The following CSMD3 variants were observed in gnomAD, a reference collection of about 807,000 sequenced individuals.
The protein encoded by CSMD3 is CUB and Sushi multiple domains 3, also known as CUB and sushi domain-containing protein 3.
A neutral mutation model predicts 435.2 loss-of-function variants in CSMD3; 177 were observed. The observed-to-expected ratio is 0.41, with a 90% CI of 0.36 to 0.46. The LOEUF (loss-of-function observed/expected upper bound fraction) is 0.46, where lower values mean the gene tolerates loss of function less well. CSMD3 is among the 20% of genes least tolerant of loss of function. The pLI is 0.34. For missense variants in CSMD3, 4,265 were observed against 4,504.6 expected (o/e 0.95, Z 1.52); for synonymous variants, 1,656 against 1,520.5 (o/e 1.09, Z -2.07).
At position 112,685,683 on chromosome 8, in the gene CSMD3, A is replaced by G. The variant is rs765350703; in HGVS notation, c.2205T>C (p.Pro735=). 5 of 1,613,730 alleles carry G rather than the reference A, an allele frequency of 3.1e-6. No individual in the cohort carries two copies. Among genetic ancestry groups the G allele is most frequent in the Non-Finnish European group, 8.5e-7 (1 of 1,179,684 alleles). ...TATTTCCATACCCTTCTGGGTAATC[A>G]GGAGAAAGAACTGTTCCCATTGGTG... is the stretch of plus-strand genomic sequence containing the variant. ...FTAPMGTVLS[P]DYPEGYGNNL... is the part of the protein sequence containing the mutation. Residue 735 remains proline, a synonymous_variant, in exon 15 of 71, where the codon CCT becomes CCC. Coordinates refer to ENST00000297405, the MANE Select transcript of CSMD3 (RefSeq NM_198123.2).
intron 32 of CSMD3, among the ~76,000 whole-genome samples, chr8:112,444,318 A>G (rs1356484040): frequency 6.6e-6 from 1 of 152,228 alleles, no homozygotes; most frequent in Non-Finnish European, 1.5e-5. Flanking sequence ...GAAGTTTAAC[A>G]TACACCTTCC....
At chr8:112,464,546 T>C (rs1184205489) in intron 32 of CSMD3, among the ~76,000 whole-genome samples, 1 of 152,122 alleles carries the variant, frequency 6.6e-6, no homozygotes, top group Admixed American at 6.6e-5. Context: ...TTACATATAG[T>C]AACCCTTAAA....
At chr8:112,496,163 G>C (rs1042485639) in intron 30 of CSMD3, among the ~76,000 whole-genome samples, 1 of 152,012 alleles carries the variant, frequency 6.6e-6, no homozygotes, top group Non-Finnish European at 1.5e-5. Flanking sequence ...TAGAGACGGG[G>C]TGTCACCAGG....
chr8:113,053,621 G>A (rs1004436393), intron 5 of CSMD3, among the ~76,000 whole-genome samples: 1 of 151,852 alleles, frequency 6.6e-6, no homozygotes, highest in Non-Finnish European at 1.5e-5. Context: ...AGTGAAAATT[G>A]AATTATAATT....
At chr8:113,329,214 A>AATAAATAAATAC (rs1300017365) in intron 1 of CSMD3, among the ~76,000 whole-genome samples, 1 of 150,410 alleles carries the variant, frequency 6.6e-6, no homozygotes, top group Non-Finnish European at 1.5e-5. Context: ...AAAATAAATA[A>AATAAATAAATAC]ATAAATAAAT....
intron 59 of CSMD3, among the ~76,000 whole-genome samples, chr8:112,277,541 C>T (rs951271324): frequency 6.6e-6 from 1 of 152,172 alleles, no homozygotes; most frequent in Admixed American, 6.5e-5. Flanking sequence ...CCAAACTGTT[C>T]CAACCTCTGC....
At chr8:112,262,910 A>G (rs920889781) in intron 61 of CSMD3, among the ~76,000 whole-genome samples, 4 of 152,238 alleles carry the variant, frequency 2.6e-5, no homozygotes, top group Non-Finnish European at 4.4e-5. Context: ...AGCTCTGCAT[A>G]ATGTCAAGGT....
chr8:112,930,482 T>C (rs1044332686), intron 9 of CSMD3, among the ~76,000 whole-genome samples: 13 of 152,018 alleles, frequency 8.6e-5, no homozygotes, highest in African/African-American at 2.9e-4. Flanking sequence ...ATAGTTAAAG[T>C]CAAATCCACC....
chr8:113,194,946 A>G (rs933221100), intron 3 of CSMD3, among the ~76,000 whole-genome samples: 1 of 151,146 alleles, frequency 6.6e-6, no homozygotes, highest in Admixed American at 6.6e-5. Flanking sequence ...AAGTGTTGGC[A>G]TAGGTTACAG....
intron 10 of CSMD3, among the ~76,000 whole-genome samples, chr8:112,877,413 T>G (rs2081315834): frequency 6.6e-6 from 1 of 151,950 alleles, no homozygotes; most frequent in African/African-American, 2.4e-5. Flanking sequence ...ATAACAGGTG[T>G]GTGCCACCAC....
At chr8:113,191,120 TG>T (rs1275540734) in intron 3 of CSMD3, among the ~76,000 whole-genome samples, 7 of 151,838 alleles carry the variant, frequency 4.6e-5, no homozygotes, top group African/African-American at 1.7e-4. Context: ...TCTCTTTCTT[TG>T]TTACAGAGAA....
intron 10 of CSMD3, among the ~76,000 whole-genome samples, chr8:112,863,441 A>G (rs1012754790): frequency 1.3e-5 from 2 of 152,038 alleles, no homozygotes; most frequent in African/African-American, 4.8e-5. Context: ...ATTTATATAG[A>G]CCGTACATAA....
chr8:112,616,200 T>C (rs1563772042), intron 22 of CSMD3, among the ~76,000 whole-genome samples: 1 of 152,102 alleles, frequency 6.6e-6, no homozygotes, highest in Non-Finnish European at 1.5e-5. Context: ...GGTTGCTGTG[T>C]AGATTAAATA....
chr8:112,826,183 C>G (rs1022521325), intron 12 of CSMD3, among the ~76,000 whole-genome samples: 1 of 152,212 alleles, frequency 6.6e-6, no homozygotes, highest in African/African-American at 2.4e-5. Context: ...TTCAGCCTCT[C>G]TGGCTCCAGC....
intron 7 of CSMD3, among the ~76,000 whole-genome samples, chr8:112,957,711 G>A (rs2084077715): frequency 6.7e-6 from 1 of 149,020 alleles, no homozygotes; most frequent in Non-Finnish European, 1.5e-5. Flanking sequence ...TCCTTCCAAA[G>A]TGCTGGGAAA....
At chr8:112,653,351 GT>G (rs1316268414) in intron 18 of CSMD3, among the ~76,000 whole-genome samples, 2 of 151,896 alleles carry the variant, frequency 1.3e-5, no homozygotes, top group African/African-American at 4.8e-5. Context: ...ATCATAAATT[GT>G]GCATTCTTTT....
chr8:112,703,666 C>T (rs1375560146), intron 13 of CSMD3, among the ~76,000 whole-genome samples: 8 of 152,114 alleles, frequency 5.3e-5, no homozygotes, highest in Admixed American at 2.0e-4. Context: ...ATCTGTAAAA[C>T]TTGCAGTTTT....
chr8:112,370,029 A>G (rs77668011), intron 38 of CSMD3, among the ~76,000 whole-genome samples: 145 of 62,578 alleles, frequency 2.3e-3, no homozygotes, highest in African/African-American at 5.9e-3. Context: ...AAGAGGAAGA[A>G]GAAGAAGAAG....
At position 112,287,261 on chromosome 8, in the gene CSMD3, A is replaced by G. The variant is rs2130638011; in HGVS notation, c.9149-15T>C. 6.2e-7 allele frequency: 1 copy of G among 1,613,018 alleles called. No individual in the cohort carries two copies. The highest frequency in any genetic ancestry group is 8.5e-7 in the Non-Finnish European group (1 of 1,179,198). Reference sequence around the variant, plus strand: ...AGTAGCATCACCTGCAATGCAGTACAGTTCAAGTTAACCAATTCCCATAAA... The same window carrying G: ...AGTAGCATCACCTGCAATGCAGTACGGTTCAAGTTAACCAATTCCCATAAA... On this transcript the variant is annotated splice_polypyrimidine_tract_variant and intron_variant, in intron 57 of 70. Transcript: ENST00000297405.
Sources: gnomAD v4.1 joint callset for allele counts (sites outside exome capture counted in the v4.1 genomes callset) on GRCh38, gnomAD v4.1.1 for gene constraint, MANE v1.5 for transcripts, NCBI Gene and HGNC (gene_info 2026-07-23, HGNC 2026-07-21) for gene names.